The following MCPH1 variants were observed in gnomAD, a reference collection of about 807,000 sequenced individuals.
MCPH1 encodes the protein microcephalin 1.
In MCPH1, 104 loss-of-function variants were observed where a neutral mutation model predicts 84.5. The observed-to-expected ratio is 1.23, with a 90% CI of 1.05 to 1.45. The LOEUF is 1.45. Ranked by LOEUF, MCPH1 falls within the 40% of genes most tolerant of loss-of-function variation. MCPH1 has a pLI of 0.00. For synonymous variants in MCPH1, 514 were observed against 366.8 expected, an observed-to-expected ratio of 1.40 and a Z score of -4.58; for missense variants, 1,498 against 1,005.7, an observed-to-expected ratio of 1.49 and a Z score of -6.62.
chr8:6,629,411 G>A (rs115322373), intron 13 of MCPH1, among the ~76,000 whole-genome samples: 1,727 of 152,300 alleles, frequency 0.011, 33 homozygotes, highest in African/African-American at 0.039. Flanking sequence ...GCAGTTAGTC[G>A]TGATCCCACC....
chr8:6,495,534 A>T (rs1253382061), intron 11 of MCPH1, among the ~76,000 whole-genome samples: 1 of 152,266 alleles, frequency 6.6e-6, no homozygotes, highest in Non-Finnish European at 1.5e-5. Context: ...AACTACTAAG[A>T]CAAAGGATCT....
chr8:6,531,437 C>T (rs1046233207), intron 12 of MCPH1, among the ~76,000 whole-genome samples: 12 of 151,840 alleles, frequency 7.9e-5, no homozygotes, highest in African/African-American at 1.7e-4. Context: ...TGCAGATGCC[C>T]GCCACCACAC....
chr8:6,461,767 G>T (rs2129557506), intron 9 of MCPH1, among the ~76,000 whole-genome samples: 1 of 152,326 alleles, frequency 6.6e-6, no homozygotes, highest in African/African-American at 2.4e-5. Flanking sequence ...AAAATATTAT[G>T]ACGAATTTTG....
chr8:6,526,625 G>C (rs1464201849), intron 12 of MCPH1, among the ~76,000 whole-genome samples: 1 of 152,144 alleles, frequency 6.6e-6, no homozygotes, highest in Non-Finnish European at 1.5e-5. Flanking sequence ...CCAAAGGACA[G>C]AAAGAATTAT....
At chr8:6,633,428 G>A (rs1051782631) in intron 13 of MCPH1, among the ~76,000 whole-genome samples, 1 of 152,126 alleles carries the variant, frequency 6.6e-6, no homozygotes, top group African/African-American at 2.4e-5. Flanking sequence ...AATAATAGTG[G>A]ATTCAAGGCT....
In MCPH1 at chr8:6,533,569, CTTTTTTTTT is replaced by C. The variant is rs56882906; in HGVS notation, c.2214+33655_2214+33663del. The stretch of plus-strand genomic sequence containing the variant: ...ACTCCAGATACTTAGCGTTTAGTTT[CTTTTTTTTT>C]TTTTTTTTTTTTTTAAATAATCTAA... On this transcript the variant is annotated intron_variant, in intron 12 of 13. Transcript: ENST00000344683. Among the ~76,000 whole-genome samples the C allele has an allele frequency of 1.1e-4, 12 of 113,336 alleles. No homozygotes were observed. The South Asian group carries it at 1.2e-3, about 11-fold the overall frequency. 74.4% of individuals were successfully genotyped at this position (113,336 alleles called of 152,430 possible).
At chr8:6,430,748 C>G (rs1026637950) in intron 3 of MCPH1, among the ~76,000 whole-genome samples, 1 of 152,032 alleles carries the variant, frequency 6.6e-6, no homozygotes, top group South Asian at 2.1e-4. Context: ...AGAATATGCT[C>G]TAAACATGGG....
chr8:6,486,408 A>G (rs1249907537), intron 11 of MCPH1, among the ~76,000 whole-genome samples: 3 of 152,140 alleles, frequency 2.0e-5, no homozygotes, highest in Non-Finnish European at 2.9e-5. Context: ...GGCCTCCAAG[A>G]AAAACACTGC....
intron 11 of MCPH1, among the ~76,000 whole-genome samples, chr8:6,485,395 C>G (rs1026303999): frequency 6.6e-6 from 1 of 152,038 alleles, no homozygotes; most frequent in African/African-American, 2.4e-5. Flanking sequence ...CTGGTAGGAC[C>G]GGGCTAGTGT....
At chr8:6,530,508 C>CAAA (rs55729820) in intron 12 of MCPH1, among the ~76,000 whole-genome samples, 2 of 98,034 alleles carry the variant, frequency 2.0e-5, no homozygotes, top group Admixed American at 1.2e-4. Flanking sequence ...GACTCTGTCT[C>CAAA]AAAAAAAAAA....
chr8:6,583,356 T>G (rs1285298126), intron 12 of MCPH1, among the ~76,000 whole-genome samples: 1 of 152,152 alleles, frequency 6.6e-6, no homozygotes, highest in Non-Finnish European at 1.5e-5. Flanking sequence ...ATGTTATAAA[T>G]AATACACAAA....
chr8:6,445,358 G>A lies in MCPH1; in HGVS notation c.1636G>A (p.Glu546Lys). 2 of 1,614,236 alleles carry A rather than the reference G, an allele frequency of 1.2e-6. No homozygotes were observed. The highest frequency in any genetic ancestry group is 1.1e-5 in the South Asian group (1 of 91,092). ...KGHDDDLTPL[E>K]GSLEEMKEAV... ...ACATGATGATGATTTAACTCCTTTG[G>A]AAGGAAGCCTTGAAGAAATGAAAGA... Residue 546 changes from glutamate (E) to lysine (K), a missense_variant, in exon 8 of 14, where the codon GAA (glutamate) becomes AAA (lysine). Physicochemically the swap from Glu to Lys is moderately conservative, Grantham distance 56. Coordinates refer to ENST00000344683, the MANE Select transcript of MCPH1 (RefSeq NM_024596.5).
intron 11 of MCPH1, among the ~76,000 whole-genome samples, chr8:6,482,175 G>A (rs1449067751): frequency 1.3e-5 from 2 of 152,194 alleles, no homozygotes; most frequent in Non-Finnish European, 2.9e-5. Context: ...TATTGATGCT[G>A]ACAACTTTGA....
rs368705534 is a variant in MCPH1, at chr8:6,522,333, C to G, written c.2214+22404C>G. On this transcript the variant is annotated intron_variant, in intron 12 of 13. Transcript: ENST00000344683. ...TCATGCCACTGCACTCCAGCCTGGGCGACAGAGCGAGACTCCGTCTCAAAA... is the reference window on the plus strand; with the variant it reads ...TCATGCCACTGCACTCCAGCCTGGGGGACAGAGCGAGACTCCGTCTCAAAA... Among the ~76,000 whole-genome samples, 10 of 150,992 alleles carry G rather than the reference C, an allele frequency of 6.6e-5. No homozygotes were observed. In the East Asian group the frequency reaches 1.6e-3, roughly 24 times the overall value.
intron 12 of MCPH1, among the ~76,000 whole-genome samples, chr8:6,588,854 G>T (rs1828215160): frequency 6.6e-6 from 1 of 152,238 alleles, no homozygotes; most frequent in Non-Finnish European, 1.5e-5. Context: ...CGACAGGCAG[G>T]CTGGAGGCCC....
At chr8:6,528,341 G>C (rs2515465) in intron 12 of MCPH1, among the ~76,000 whole-genome samples, 118,311 of 152,168 alleles carry the variant, frequency 0.78, 46,319 homozygotes, top group East Asian at 0.91. Context: ...TTTCATAGGT[G>C]GAAAGTATTT....
intron 12 of MCPH1, among the ~76,000 whole-genome samples, chr8:6,567,166 T>G: frequency 3.4e-5 from 1 of 29,752 alleles, no homozygotes; most frequent in Admixed American, 4.6e-4. Context: ...GCCCGTGGCG[T>G]GGTGTCCATG....
rs933408334 is a variant in MCPH1 at position 6,625,490 on chromosome 8, T to A, written c.2452+3799T>A. Reference sequence around the variant, plus strand: ...GCAATATTGAAAAACTAGGAATATATCAAACCATTTTAAAGCACCAAATCG... The same window carrying A: ...GCAATATTGAAAAACTAGGAATATAACAAACCATTTTAAAGCACCAAATCG... On this transcript the variant is annotated intron_variant, in intron 13 of 13. Coordinates refer to ENST00000344683, the MANE Select transcript of MCPH1 (RefSeq NM_024596.5). 4 of 984,992 alleles carry A rather than the reference T, an allele frequency of 4.1e-6. No homozygotes were observed. The South Asian group carries it at 1.9e-4, about 46-fold the overall frequency. The allele number at this position is 984,992 out of a possible 1,614,324, so 61.0% of individuals were successfully genotyped here. A position where few individuals can be genotyped will look rare whatever the true frequency, so the allele number is the denominator to read the frequency against.
chr8:6,552,461 A>G (rs1023114677), intron 12 of MCPH1, among the ~76,000 whole-genome samples: 2 of 152,232 alleles, frequency 1.3e-5, no homozygotes, highest in Non-Finnish European at 2.9e-5. Flanking sequence ...CTTTCGAGTA[A>G]ACATGTGCTT....
Sources: gnomAD v4.1 joint callset for allele counts (sites outside exome capture counted in the v4.1 genomes callset) on GRCh38, gnomAD v4.1.1 for gene constraint, MANE v1.5 for transcripts, NCBI Gene and HGNC (gene_info 2026-07-23, HGNC 2026-07-21) for gene names.